Variants in STX18 observed in about 807,000 individuals in gnomAD.
STX18 encodes syntaxin 18.
Under a neutral mutation model 50.1 loss-of-function variants are expected in STX18, and 40 were observed. The ratio of observed to expected loss-of-function variants is 0.80; its 90% CI spans 0.62 to 1.04. The LOEUF (loss-of-function observed/expected upper bound fraction) is 1.04. Ranked by LOEUF, STX18 falls within the 50% of genes least tolerant of loss-of-function variation. The pLI is 0.00. For missense variants in STX18, 410 were observed against 415.8 expected (o/e 0.99, Z 0.12); for synonymous variants, 158 against 151.8 (o/e 1.04, Z -0.30).
chr4:4,510,334 T>C (rs985494578), intron 1 of STX18, among the ~76,000 whole-genome samples: 9 of 152,188 alleles, frequency 5.9e-5, no homozygotes, highest in African/African-American at 1.9e-4. Context: ...AAAAAAAGAT[T>C]GTGTGTAAAA....
At chr4:4,452,803 C>T (rs1726830702) in intron 5 of STX18, among the ~76,000 whole-genome samples, 1 of 152,152 alleles carries the variant, frequency 6.6e-6, no homozygotes, top group Admixed American at 6.5e-5. Flanking sequence ...AAGGTTTCAC[C>T]ATCTTAGACG....
intron 1 of STX18, among the ~76,000 whole-genome samples, chr4:4,496,201 A>G (rs1729158018): frequency 6.6e-6 from 1 of 152,184 alleles, no homozygotes; most frequent in Non-Finnish European, 1.5e-5. Context: ...AAGCGAGATG[A>G]ACACTGATTT....
chr4:4,527,867 C>CACACATATATATATATATAT (rs372566368), intron 1 of STX18, among the ~76,000 whole-genome samples: 2 of 137,208 alleles, frequency 1.5e-5, no homozygotes, highest in African/African-American at 5.3e-5. Flanking sequence ...CACACACACA[C>CACACATATATATATATATAT]ATATATATAT....
intron 5 of STX18, among the ~76,000 whole-genome samples, chr4:4,450,745 T>C (rs923832872): frequency 2.6e-5 from 4 of 152,162 alleles, no homozygotes; most frequent in Admixed American, 2.6e-4. Context: ...CTCTCCTCCC[T>C]GCCCTGGAAA....
chr4:4,470,391 T>C (rs1468163116), intron 2 of STX18, among the ~76,000 whole-genome samples: 1 of 152,194 alleles, frequency 6.6e-6, no homozygotes, highest in Non-Finnish European at 1.5e-5. Context: ...TGAGTGCTGC[T>C]GGGCTAGTCA....
At chr4:4,521,647 G>C (rs1040556900) in intron 1 of STX18, among the ~76,000 whole-genome samples, 25 of 151,774 alleles carry the variant, frequency 1.6e-4, no homozygotes, top group African/African-American at 5.8e-4. Flanking sequence ...ATTATTAACT[G>C]ATCAAATATT....
At chr4:4,499,461 T>C (rs1191987825) in intron 1 of STX18, 1 of 983,772 alleles carries the variant, frequency 1.0e-6, no homozygotes, top group Non-Finnish European at 1.2e-6. Flanking sequence ...ACTTACCTTT[T>C]AGAAAAACAG....
Position 4,434,983 on chromosome 4 carries a change from G to A in STX18, c.614-125C>T, listed in dbSNP as rs866096266. 89 of 669,494 alleles carry A rather than the reference G, an allele frequency of 1.3e-4. No individual in the cohort carries two copies. The Middle Eastern group carries it at 2.5e-3, about 19-fold the overall frequency. The allele number at this position is 669,494 out of a possible 1,614,324, so 41.5% of individuals were successfully genotyped here. On this transcript the variant is annotated intron_variant, in intron 6 of 10. Coordinates refer to ENST00000306200, the MANE Select transcript of STX18 (RefSeq NM_016930.4). Reference sequence around the variant, plus strand: ...TTACAGCTTTGTCTATATATTTCATGATCTTTGGGCTAATATTCAGGCACT... The same window carrying A: ...TTACAGCTTTGTCTATATATTTCATAATCTTTGGGCTAATATTCAGGCACT...
At chr4:4,421,014 C>CGTTG in intron 9 of STX18, 70 bp from the exon 10 acceptor site, 7 of 1,437,064 alleles carry the variant, frequency 4.9e-6, no homozygotes, top group African/African-American at 1.4e-5. Flanking sequence ...AATGCTCCAA[C>CGTTG]GAGCATTTCC....
intron 1 of STX18, among the ~76,000 whole-genome samples, chr4:4,502,062 T>C (rs1037590609): frequency 6.6e-6 from 1 of 152,232 alleles, no homozygotes; most frequent in Non-Finnish European, 1.5e-5. Context: ...AAGCTGCCAA[T>C]CTGCAGTTAA....
At chr4:4,454,680 G>A (rs1281564173) in intron 5 of STX18, among the ~76,000 whole-genome samples, 2 of 152,276 alleles carry the variant, frequency 1.3e-5, no homozygotes, top group African/African-American at 4.8e-5. Context: ...CACACACCCA[G>A]ATATTTTTCT....
intron 1 of STX18, among the ~76,000 whole-genome samples, chr4:4,498,061 C>T (rs1729262915): frequency 6.6e-6 from 1 of 152,166 alleles, no homozygotes; most frequent in South Asian, 2.1e-4. Context: ...AAAACAGTCA[C>T]ATAAGACTTT....
intron 2 of STX18, among the ~76,000 whole-genome samples, chr4:4,461,250 G>C (rs1030744733): frequency 6.6e-6 from 1 of 152,046 alleles, no homozygotes; most frequent in Non-Finnish European, 1.5e-5. Flanking sequence ...TTGACAGTAT[G>C]GTTATTCTAT....
intron 1 of STX18, among the ~76,000 whole-genome samples, chr4:4,530,573 C>T (rs532139591): frequency 2.6e-4 from 39 of 152,078 alleles, no homozygotes; most frequent in Non-Finnish European, 3.7e-4. Context: ...GTTCTGTGAA[C>T]ATTTCTAAGG....
intron 1 of STX18, among the ~76,000 whole-genome samples, chr4:4,523,214 TGGAGGGATCCACA>T (rs1420866740): frequency 6.6e-6 from 1 of 152,216 alleles, no homozygotes; most frequent in African/African-American, 2.4e-5. Context: ...GCTTATTACT[TGGAGGGATCCACA>T]GGCCTACGTT....
chr4:4,456,575 G>A lies in STX18; in HGVS notation c.497+616C>T, dbSNP rs146577913. On this transcript the variant is annotated intron_variant, in intron 5 of 10. Coordinates refer to ENST00000306200, the MANE Select transcript of STX18 (RefSeq NM_016930.4). ...GATGAGTCATTTACCCTGCTGGAGC[G>A]TCAGCGTCCTTACCTGCTGACAGGG... Among the ~76,000 whole-genome samples the A allele has an allele frequency of 4.4e-3, 675 of 152,282 alleles. 5 individuals carry two copies. Among genetic ancestry groups the A allele is most frequent in the Middle Eastern group, 0.024 (7 of 294 alleles).
rs1378910361 is a variant in STX18 at position 4,541,902 on chromosome 4, C to T, written c.63G>A (p.Lys21=). The change falls in exon 1 of 11, where the codon AAG becomes AAA. Residue 21 remains lysine (K), a synonymous_variant. Coordinates refer to ENST00000306200, the MANE Select transcript of STX18 (RefSeq NM_016930.4). ...ASVKTVKTRN[K]ALGVAVGGGV... is the part of the protein sequence containing the mutation. The stretch of plus-strand genomic sequence containing the variant: ...CGCCGCCCACCGCCACTCCCAGCGC[C>T]TTGTTCCGCGTCTTCACGGTCTTGA... 2 of 1,611,062 alleles carry T rather than the reference C, an allele frequency of 1.2e-6. No individual in the cohort carries two copies. The highest frequency in any genetic ancestry group is 1.7e-5 in the Admixed American group (1 of 59,854).
chr4:4,517,958 A>G, intron 1 of STX18, among the ~76,000 whole-genome samples: 1 of 152,092 alleles, frequency 6.6e-6, no homozygotes, highest in Non-Finnish European at 1.5e-5. Context: ...TATTTTTAGT[A>G]GAGACGAGGT....
At chr4:4,446,754 C>T (rs955038417) in intron 5 of STX18, among the ~76,000 whole-genome samples, 1 of 131,746 alleles carries the variant, frequency 7.6e-6, no homozygotes. Flanking sequence ...CTTACTAAGT[C>T]TAAGAAACAT....
Sources: gnomAD v4.1 joint callset for allele counts (sites outside exome capture counted in the v4.1 genomes callset) on GRCh38, gnomAD v4.1.1 for gene constraint, MANE v1.5 for transcripts, NCBI Gene and HGNC (gene_info 2026-07-23, HGNC 2026-07-21) for gene names.